DSCAM: variants seen among roughly 807,000 people sequenced by gnomAD.
DSCAM encodes the protein cell adhesion molecule DSCAM.
Under a neutral mutation model 217.7 loss-of-function variants are expected in DSCAM, and 47 were observed. That is an observed-to-expected ratio of 0.22 (90% confidence interval 0.17 to 0.28). The LOEUF (loss-of-function observed/expected upper bound fraction) is 0.28. Ranked by LOEUF, DSCAM falls within the 10% of genes least tolerant of loss-of-function variation. The pLI is 1.00. For synonymous variants in DSCAM, 1,056 were observed against 1,015.3 expected (o/e 1.04, Z -0.76); for missense variants, 2,080 against 2,618.3 (o/e 0.79, Z 4.49).
intron 3 of DSCAM, among the ~76,000 whole-genome samples, chr21:40,487,864 A>G (rs1237521279): frequency 6.6e-6 from 1 of 152,310 alleles, no homozygotes; most frequent in East Asian, 1.9e-4. Context: ...AGGAGAGAGA[A>G]GAGAGTTGTA....
At position 40,017,841 on chromosome 21, in the gene DSCAM, C is replaced by T. The variant is rs531900626; in HGVS notation, c.5687-4455G>A. Among the ~76,000 whole-genome samples the T allele has an allele frequency of 1.6e-4, 25 of 152,282 alleles. No homozygotes were observed. The East Asian group carries it at 1.9e-3, about 12-fold the overall frequency. On this transcript the variant is annotated intron_variant, in intron 32 of 32. Transcript: ENST00000400454. ...TGTTGGGATTACAGGCGTGAGCCAC[C>T]GCACCTGGCCCATAACATTCTTATA...
intron 3 of DSCAM, among the ~76,000 whole-genome samples, chr21:40,421,875 G>A (rs765525716): frequency 1.1e-4 from 17 of 152,212 alleles, no homozygotes; most frequent in Non-Finnish European, 2.4e-4. Flanking sequence ...AGGGTGCTTA[G>A]AAGAGGTCTA....
chr21:40,810,367 G>A (rs1011457767), intron 1 of DSCAM, among the ~76,000 whole-genome samples: 2 of 152,178 alleles, frequency 1.3e-5, no homozygotes, highest in African/African-American at 4.8e-5. Context: ...GCTGAAAAGG[G>A]GGAGAGAAGT....
At chr21:40,734,157 C>T (rs1015453885) in intron 1 of DSCAM, among the ~76,000 whole-genome samples, 5 of 152,120 alleles carry the variant, frequency 3.3e-5, no homozygotes, top group Middle Eastern at 3.2e-3. Flanking sequence ...ATCTAGAAAT[C>T]GGAGTCACCC....
chr21:40,303,366 C>A (rs1447815810), intron 9 of DSCAM, among the ~76,000 whole-genome samples: 1 of 152,030 alleles, frequency 6.6e-6, no homozygotes, highest in Non-Finnish European at 1.5e-5. Context: ...GCTTGGAACT[C>A]GCTTCCTACA....
chr21:40,246,269 C>A (rs2146951484), intron 11 of DSCAM, among the ~76,000 whole-genome samples: 1 of 144,756 alleles, frequency 6.9e-6, no homozygotes, highest in East Asian at 2.0e-4. Flanking sequence ...GTAATCCCAG[C>A]ACTTTGGGAA....
At chr21:40,440,200 A>G (rs1359849181) in intron 3 of DSCAM, among the ~76,000 whole-genome samples, 1 of 152,226 alleles carries the variant, frequency 6.6e-6, no homozygotes, top group Non-Finnish European at 1.5e-5. Flanking sequence ...TGTTCAACCT[A>G]GTGGCAGTTC....
chr21:40,204,721 G>A (rs2091105691), intron 11 of DSCAM, among the ~76,000 whole-genome samples: 1 of 152,168 alleles, frequency 6.6e-6, no homozygotes, highest in Non-Finnish European at 1.5e-5. Context: ...AAGTGGGGGC[G>A]AGATTCTTCT....
intron 11 of DSCAM, among the ~76,000 whole-genome samples, chr21:40,254,177 A>G (rs1156417635): frequency 2.0e-5 from 3 of 152,198 alleles, no homozygotes; most frequent in Non-Finnish European, 2.9e-5. Context: ...TAAATATTAG[A>G]TAAATAGTCA....
In DSCAM at chr21:40,339,403, T is replaced by C. The variant is rs1226122387; in HGVS notation, c.1223A>G (p.Lys408Arg). ...CTTTTCACTAAAGGCAGAAATAATT[T>C]TGGGAGTTCCATCTGCAGGAAAACA... Reference protein sequence around the residue: ...VQVVLEDGTPKIISAFSEKVV... With the variant: ...VQVVLEDGTPRIISAFSEKVV... Residue 408 changes from lysine to arginine, a missense_variant, in exon 7 of 33, where the codon AAA (lysine) becomes AGA (arginine). By Grantham distance (26) the Lys-to-Arg change is conservative. Around this residue, in one of 5 missense-constraint regions of DSCAM, gnomAD observed 568 missense variants for 678.1 expected, o/e 0.84. Coordinates refer to ENST00000400454, the MANE Select transcript of DSCAM (RefSeq NM_001389.5). The C allele has an allele frequency of 6.2e-7, 1 of 1,602,434 alleles. No individual in the cohort carries two copies. Among genetic ancestry groups the C allele is most frequent in the Non-Finnish European group, 8.5e-7 (1 of 1,173,642 alleles).
chr21:40,556,652 T>TCA (rs1468334309), intron 3 of DSCAM, among the ~76,000 whole-genome samples: 2 of 120,636 alleles, frequency 1.7e-5, no homozygotes, highest in Non-Finnish European at 3.8e-5. Flanking sequence ...ACAGAGGAAG[T>TCA]CAGAGAGAGA....
chr21:40,278,446 T>G (rs2073717812), intron 10 of DSCAM, among the ~76,000 whole-genome samples: 1 of 152,028 alleles, frequency 6.6e-6, no homozygotes, highest in African/African-American at 2.4e-5. Context: ...TCATAACAAC[T>G]TATTGGCAGG....
intron 11 of DSCAM, among the ~76,000 whole-genome samples, chr21:40,266,974 T>C (rs1199319997): frequency 6.8e-6 from 1 of 147,652 alleles, no homozygotes; most frequent in Non-Finnish European, 1.5e-5. Context: ...GAGCTAAGCT[T>C]TGGGCACACA....
intron 3 of DSCAM, among the ~76,000 whole-genome samples, chr21:40,682,385 A>C (rs1391504852): frequency 1.3e-5 from 2 of 151,980 alleles, no homozygotes; most frequent in Non-Finnish European, 2.9e-5. Flanking sequence ...GATAGCACCG[A>C]AATATTCAGA....
At chr21:40,149,019 A>G (rs1014782660) in intron 16 of DSCAM, among the ~76,000 whole-genome samples, 1 of 152,034 alleles carries the variant, frequency 6.6e-6, no homozygotes, top group Non-Finnish European at 1.5e-5. Flanking sequence ...GCTTCACTTT[A>G]TCACTATCCC....
chr21:40,543,671 C>T (rs1266872121), intron 3 of DSCAM, among the ~76,000 whole-genome samples: 1 of 152,128 alleles, frequency 6.6e-6, no homozygotes, highest in Non-Finnish European at 1.5e-5. Context: ...ACCCTGTCTA[C>T]TTGGTATCAG....
intron 15 of DSCAM, among the ~76,000 whole-genome samples, chr21:40,174,109 G>A (rs1160745325): frequency 1.3e-5 from 2 of 152,130 alleles, no homozygotes; most frequent in South Asian, 2.1e-4. Flanking sequence ...TCCATTAACA[G>A]CTCATCTCAT....
intron 11 of DSCAM, among the ~76,000 whole-genome samples, chr21:40,206,647 T>C (rs2091129372): frequency 6.7e-6 from 1 of 149,392 alleles, no homozygotes; most frequent in Admixed American, 6.7e-5. Context: ...AATAATGTGG[T>C]AGTAAACATT....
intron 15 of DSCAM, among the ~76,000 whole-genome samples, chr21:40,174,369 T>C (rs1244148620): frequency 6.6e-6 from 1 of 152,164 alleles, no homozygotes; most frequent in Non-Finnish European, 1.5e-5. Flanking sequence ...GTAGGGACAC[T>C]ATGCCAGTGG....
Sources: gnomAD v4.1 joint callset for allele counts (sites outside exome capture counted in the v4.1 genomes callset) on GRCh38, gnomAD v4.1.1 for gene constraint, gnomAD v4.1.1 regional missense constraint, MANE v1.5 for transcripts, NCBI Gene and HGNC (gene_info 2026-07-23, HGNC 2026-07-21) for gene names.